Variants in RARB observed in about 807,000 individuals in gnomAD.
RARB encodes the protein HBV-activated protein.
RARB carries 17 observed loss-of-function variants against 51.9 expected under a neutral mutation model. That is an observed-to-expected ratio of 0.33 (90% CI 0.22 to 0.49). The LOEUF is 0.49. RARB is among the 20% of genes least tolerant of loss of function. The probability of loss-of-function intolerance (pLI) is 0.99; values close to 1 mark genes in which losing one functional copy is unlikely to be tolerated. For missense variants in RARB, 369 were observed against 550.8 expected, an observed-to-expected ratio of 0.67 and a Z score of 3.30; for synonymous variants, 215 against 195.4, an observed-to-expected ratio of 1.10 and a Z score of -0.84.
intron 5 of RARB, among the ~76,000 whole-genome samples, chr3:25,222,629 A>G (rs1268651829): frequency 6.6e-6 from 1 of 152,236 alleles, no homozygotes; most frequent in Admixed American, 6.5e-5. Flanking sequence ...GAGAAAGCAA[A>G]ATGAAAAAGA....
intron 4 of RARB, among the ~76,000 whole-genome samples, chr3:25,137,332 T>C (rs1440541158): frequency 2.0e-5 from 3 of 152,116 alleles, no homozygotes; most frequent in Non-Finnish European, 4.4e-5. Flanking sequence ...TATTTTCATT[T>C]CAATGGTGAA....
chr3:25,112,546 G>A (rs1699620179), intron 3 of RARB, among the ~76,000 whole-genome samples: 1 of 152,142 alleles, frequency 6.6e-6, no homozygotes, highest in Admixed American at 6.5e-5. Flanking sequence ...GGAAACTGAG[G>A]TGGGAAGATC....
intron 3 of RARB, among the ~76,000 whole-genome samples, chr3:25,126,747 T>A (rs1699866228): frequency 6.6e-6 from 1 of 152,166 alleles, no homozygotes; most frequent in Non-Finnish European, 1.5e-5. Flanking sequence ...ACCAGCTTTG[T>A]GTTTATAGTC....
intron 2 of RARB, among the ~76,000 whole-genome samples, chr3:24,861,204 A>G (rs1485468724): frequency 6.6e-6 from 1 of 152,222 alleles, no homozygotes; most frequent in African/African-American, 2.4e-5. Flanking sequence ...ACTACTATTT[A>G]CATGGCATTA....
intron 1 of RARB, among the ~76,000 whole-genome samples, chr3:25,440,643 C>G (rs528120492): frequency 6.6e-6 from 1 of 151,654 alleles, no homozygotes; most frequent in African/African-American, 2.4e-5. Flanking sequence ...TGGTGGTGCC[C>G]GCGCCTGTAG....
At chr3:25,247,834 T>C (rs1702605307) in intron 5 of RARB, among the ~76,000 whole-genome samples, 1 of 152,246 alleles carries the variant, frequency 6.6e-6, no homozygotes. Context: ...AAGTACTGAT[T>C]AGAGGGAATG....
intron 4 of RARB, among the ~76,000 whole-genome samples, chr3:25,570,532 C>T (rs1006252179): frequency 2.0e-5 from 3 of 152,102 alleles, no homozygotes; most frequent in African/African-American, 7.2e-5. Context: ...TCCCAGCGTT[C>T]CACTAGGAAT....
At chr3:25,288,155 C>G (rs899054395) in intron 5 of RARB, among the ~76,000 whole-genome samples, 1 of 151,988 alleles carries the variant, frequency 6.6e-6, no homozygotes, top group Non-Finnish European at 1.5e-5. Context: ...TATAAAGAAG[C>G]TACAGGGAAT....
intron 2 of RARB, among the ~76,000 whole-genome samples, chr3:24,877,846 A>G (rs944341721): frequency 3.3e-5 from 5 of 152,166 alleles, no homozygotes; most frequent in African/African-American, 1.2e-4. Context: ...CCTCCAACAC[A>G]TGTCCACATG....
chr3:25,541,171 C>T (rs1276393115), intron 3 of RARB, among the ~76,000 whole-genome samples: 1 of 152,190 alleles, frequency 6.6e-6, no homozygotes, highest in Non-Finnish European at 1.5e-5. Flanking sequence ...GTATGACCCG[C>T]AGAGATCATT....
At chr3:25,040,037 C>G (rs1480383544) in intron 2 of RARB, among the ~76,000 whole-genome samples, 3 of 152,120 alleles carry the variant, frequency 2.0e-5, no homozygotes, top group African/African-American at 7.2e-5. Context: ...CTCCTGATAT[C>G]CTGAAGGTGA....
chr3:25,350,068 C>T (rs1705513915), intron 5 of RARB, among the ~76,000 whole-genome samples: 1 of 152,134 alleles, frequency 6.6e-6, no homozygotes, highest in African/African-American at 2.4e-5. Flanking sequence ...AGGTGCCTGG[C>T]TGTACCCAGC....
rs1465459614 is a variant in RARB at position 25,597,705 on chromosome 3, T to A, written c.*1089T>A. 1 of 152,484 alleles carries A rather than the reference T, an allele frequency of 6.6e-6. No homozygotes were observed. The highest frequency in any genetic ancestry group is 1.5e-5 in the Non-Finnish European group (1 of 68,020). The allele number at this position is 152,484 out of a possible 1,614,324, so 9.4% of individuals were successfully genotyped here. A position where few individuals can be genotyped will look rare whatever the true frequency, so the allele number is the denominator to read the frequency against. ...CTTGTTCAATCACTATGAAGCAGAG[T>A]GAAAGCTGTGGTAGAGTGGTTAACA... On this transcript the variant is annotated 3_prime_UTR_variant, in exon 8 of 8. Transcript: ENST00000330688.
At chr3:24,973,626 T>C (rs1696448503) in intron 2 of RARB, among the ~76,000 whole-genome samples, 1 of 152,110 alleles carries the variant, frequency 6.6e-6, no homozygotes, top group African/African-American at 2.4e-5. Flanking sequence ...GTCTTCAATG[T>C]CTTTGAAGTG....
At chr3:25,504,770 C>CTTT (rs61498243) in intron 3 of RARB, among the ~76,000 whole-genome samples, 6 of 126,048 alleles carry the variant, frequency 4.8e-5, no homozygotes, top group Admixed American at 8.4e-5. Flanking sequence ...ACATTAACCA[C>CTTT]TTTTTTTTTT....
chr3:24,989,982 G>T (rs1270543216), intron 2 of RARB, among the ~76,000 whole-genome samples: 2 of 95,946 alleles, frequency 2.1e-5, no homozygotes, highest in African/African-American at 8.3e-5. Context: ...TGTATTTTTA[G>T]TAGAGACGGG....
At chr3:25,502,773 C>T (rs560106256) in intron 3 of RARB, among the ~76,000 whole-genome samples, 1 of 152,292 alleles carries the variant, frequency 6.6e-6, no homozygotes, top group South Asian at 2.1e-4. Context: ...ACAAGTACCC[C>T]TGGTGGCCAT....
intron 2 of RARB, among the ~76,000 whole-genome samples, chr3:24,978,824 CTTCTT>C (rs1456426061): frequency 6.6e-6 from 1 of 151,690 alleles, no homozygotes; most frequent in Admixed American, 6.6e-5. Context: ...TGCTTCTCTA[CTTCTT>C]TTAATTGTGA....
chr3:24,918,560 A>C (rs1695152636), intron 2 of RARB, among the ~76,000 whole-genome samples: 1 of 152,350 alleles, frequency 6.6e-6, no homozygotes, highest in Non-Finnish European at 1.5e-5. Context: ...TGTTAATAAC[A>C]TCTCAAAGCT....
Sources: gnomAD v4.1 joint callset for allele counts (sites outside exome capture counted in the v4.1 genomes callset) on GRCh38, gnomAD v4.1.1 for gene constraint, MANE v1.5 for transcripts, NCBI Gene and HGNC (gene_info 2026-07-23, HGNC 2026-07-21) for gene names.